Variants in MZF1 observed in about 807,000 individuals in gnomAD.
The protein encoded by MZF1 is myeloid zinc finger 1, also known as zinc finger and SCAN domain-containing protein 6.
In MZF1, 24 loss-of-function variants were observed where a neutral mutation model predicts 28.6. The ratio of observed to expected loss-of-function variants is 0.84; its 90% CI spans 0.61 to 1.18. The LOEUF (loss-of-function observed/expected upper bound fraction) is 1.18. Ranked by LOEUF, MZF1 falls within the 50% of genes most tolerant of loss-of-function variation. The pLI is 0.00. For synonymous variants in MZF1, 516 were observed against 432.5 expected (o/e 1.19, Z -2.40); for missense variants, 1,166 against 1,026.4 (o/e 1.14, Z -1.86).
intron 5 of MZF1, among the ~76,000 whole-genome samples, chr19:58,567,076 G>C (rs1196743399): frequency 6.6e-6 from 1 of 152,156 alleles, no homozygotes; most frequent in South Asian, 2.1e-4. Flanking sequence ...CTAGTTTTTT[G>C]TATTATTTTT....
Position 58,562,199 on chromosome 19 carries a change from C to T in MZF1, c.2078G>A (p.Arg693Gln), listed in dbSNP as rs745467813. 1.6e-5 allele frequency: 26 copies of T among 1,607,872 alleles called. No homozygotes were observed. Among genetic ancestry groups the T allele is most frequent in the Non-Finnish European group, 1.9e-5 (22 of 1,179,092 alleles). ...GCGCAGATGCTGCGTGAGCGTGGGC[C>T]GCTGGCGGAAGGCCTTGCCACACTC... is the stretch of plus-strand genomic sequence containing the variant. ...CPECGKAFRQ[R>Q]PTLTQHLRTH... The change falls in exon 6 of 6, where the codon CGG (arginine) becomes CAG (glutamine). Residue 693 changes from arginine to glutamine, a missense_variant. Coordinates refer to ENST00000215057, the MANE Select transcript of MZF1 (RefSeq NM_198055.2).
chr19:58,568,216 G>C (rs1600105211), intron 5 of MZF1: 1 of 152,170 alleles, frequency 6.6e-6, no homozygotes, highest in South Asian at 2.1e-4. Context: ...CTGTGCTCTA[G>C]TCTGTGTGAA....
chr19:58,568,250 C>CA (rs559662188), intron 5 of MZF1: 5 of 148,160 alleles, frequency 3.4e-5, no homozygotes, highest in East Asian at 2.0e-4. Context: ...CTCCCCCCAC[C>CA]AAAAAAAAAG....
chr19:58,564,902 G>GTTTTTTTTTTTTT lies in MZF1; in HGVS notation c.773-1411_773-1399dup, dbSNP rs71190056. On this transcript the variant is annotated intron_variant, in intron 5 of 5. Transcript: ENST00000215057. ...GTGGAGAATAAGCATCCATGTGTGTGTTTTTTTTTTTTTTTTTTTTTTTTT... is the reference window on the plus strand; with the variant it reads ...GTGGAGAATAAGCATCCATGTGTGTGTTTTTTTTTTTTTTTTTTTTTTTTTTTTTTTTTTTTTT... Among the ~76,000 whole-genome samples the GTTTTTTTTTTTTT allele has an allele frequency of 1.2e-4, 5 of 41,996 alleles. 1 individual carries two copies. The highest frequency in any genetic ancestry group is 1.5e-4 in the African/African-American group (2 of 13,682). The allele number at this position is 41,996 out of a possible 152,430, so 27.6% of individuals were successfully genotyped here.
chr19:58,572,665 C>T (rs2054187740), intron 1 of MZF1: 1 of 1,278,786 alleles, frequency 7.8e-7, no homozygotes, highest in Non-Finnish European at 1.0e-6. Flanking sequence ...TCGAGGGCCG[C>T]CTCATCCTGG....
At chr19:58,564,416 A>G (rs2053999477) in intron 5 of MZF1, 1 of 152,268 alleles carries the variant, frequency 6.6e-6, no homozygotes. Flanking sequence ...GTAAAGAGCT[A>G]CAATAAATCA....
intron 5 of MZF1, chr19:58,569,054 T>G (rs1345345412): frequency 4.1e-6 from 2 of 493,208 alleles, no homozygotes; most frequent in East Asian, 3.6e-5. Context: ...GGGGAGTTTC[T>G]AGAAAGTAGA....
At position 58,562,479 on chromosome 19, in the gene MZF1, G is replaced by A. The variant is rs1196541366; in HGVS notation, c.1798C>T (p.Pro600Ser). ...TGGCTGAAGCGCTGGCCACACTCGG[G>A]GCAGGCAAAGGGTTTCTCGCCCGTG... ...VHTGEKPFACPECGQRFSQRL... is the reference protein window; with the variant it reads ...VHTGEKPFACSECGQRFSQRL... Residue 600 changes from proline (P) to serine (S), a missense_variant, in exon 6 of 6, where the codon CCC becomes TCC. Coordinates refer to ENST00000215057, the MANE Select transcript of MZF1 (RefSeq NM_198055.2). 1.9e-6 allele frequency: 3 copies of A among 1,610,892 alleles called. No individual in the cohort carries two copies. Among genetic ancestry groups the A allele is most frequent in the South Asian group, 2.2e-5 (2 of 90,778 alleles).
chr19:58,562,856 GCC>G lies in MZF1; in HGVS notation c.1419_1420del (p.Ala474ProfsTer155). The G allele has an allele frequency of 6.5e-7, 1 of 1,541,398 alleles. No individual in the cohort carries two copies. The highest frequency in any genetic ancestry group is 2.4e-5 in the East Asian group (1 of 41,550). ...GGGAGGCTCGGGCGCACCAGGAGGG[GCC>G]GGGGGCTTAGCGCCAGGGCCCGGGG... On this transcript the variant is annotated frameshift_variant, in exon 6 of 6. Transcript: ENST00000215057. LOFTEE classifies it low-confidence loss of function (END_TRUNC).
intron 5 of MZF1, among the ~76,000 whole-genome samples, chr19:58,566,595 C>A (rs2054062542): frequency 6.6e-6 from 1 of 152,136 alleles, no homozygotes; most frequent in South Asian, 2.1e-4. Context: ...AGGGGCATTC[C>A]ACTGTATACT....
chr19:58,565,081 TG>T (rs1380142186), intron 5 of MZF1, among the ~76,000 whole-genome samples: 1 of 142,428 alleles, frequency 7.0e-6, no homozygotes, highest in Non-Finnish European at 1.5e-5. Flanking sequence ...CCACCATGCC[TG>T]GCTAATTGTT....
At chr19:58,569,649 G>T in intron 3 of MZF1, 63 bp from the exon 4 acceptor site, 1 of 1,367,878 alleles carries the variant, frequency 7.3e-7, no homozygotes, top group South Asian at 1.3e-5. Context: ...CCTTCTTAGT[G>T]GTGTGCCAGG....
intron 5 of MZF1, among the ~76,000 whole-genome samples, chr19:58,564,906 T>TG (rs1568680370): frequency 7.0e-5 from 5 of 71,050 alleles, no homozygotes; most frequent in Non-Finnish European, 1.3e-4. Flanking sequence ...GTGTGTGTTT[T>TG]TTTTTTTTTT....
At chr19:58,564,470 T>C (rs1423463928) in intron 5 of MZF1, 1 of 152,188 alleles carries the variant, frequency 6.6e-6, no homozygotes, top group Non-Finnish European at 1.5e-5. Context: ...GCAAAGGATG[T>C]GAACAGGACA....
chr19:58,572,910 G>A (rs895471947), intron 1 of MZF1, 145 bp downstream of exon 1: 5 of 267,530 alleles, frequency 1.9e-5, no homozygotes, highest in Non-Finnish European at 3.1e-5. Flanking sequence ...CAAGCCTCTC[G>A]CTCTAGCCCT....
intron 1 of MZF1, chr19:58,571,785 G>A (rs1419874903): frequency 1.1e-5 from 2 of 189,694 alleles, no homozygotes; most frequent in East Asian, 1.3e-4. Context: ...GGGCTCCAGA[G>A]ATCGGCCTCC....
intron 1 of MZF1, chr19:58,572,403 G>T (rs371481753): frequency 1.7e-5 from 8 of 466,526 alleles, no homozygotes; most frequent in South Asian, 7.3e-5. Flanking sequence ...AGGGGATGGG[G>T]GAGCTTCGCA....
At chr19:58,572,944 G>T (rs1475581478) in intron 1 of MZF1, 111 bp downstream of exon 1, 2 of 195,704 alleles carry the variant, frequency 1.0e-5, no homozygotes, top group Non-Finnish European at 2.2e-5. Context: ...AGGACTGCCC[G>T]GATTCGTTCC....
At chr19:58,566,957 C>T (rs1390547329) in intron 5 of MZF1, among the ~76,000 whole-genome samples, 1 of 150,302 alleles carries the variant, frequency 6.7e-6, no homozygotes, top group East Asian at 1.9e-4. Context: ...GACTGGTGTG[C>T]ACTGGCACCA....
Sources: gnomAD v4.1 joint callset for allele counts (sites outside exome capture counted in the v4.1 genomes callset) on GRCh38, gnomAD v4.1.1 for gene constraint, MANE v1.5 for transcripts, NCBI Gene and HGNC (gene_info 2026-07-23, HGNC 2026-07-21) for gene names.